The following ADCY7 variants were observed in gnomAD, a reference collection of about 807,000 sequenced individuals.
ADCY7 encodes the protein adenylate cyclase 7.
A neutral mutation model predicts 120.6 loss-of-function variants in ADCY7; 72 were observed. That is an observed-to-expected ratio of 0.60 (90% CI 0.49 to 0.73). The LOEUF (loss-of-function observed/expected upper bound fraction) is 0.73. ADCY7 is among the 30% of genes least tolerant of loss of function. The pLI is 0.00. For synonymous variants in ADCY7, 661 were observed against 628.0 expected, an observed-to-expected ratio of 1.05 and a Z score of -0.78; for missense variants, 1,227 against 1,486.0, an observed-to-expected ratio of 0.83 and a Z score of 2.87.
chr16:50,312,287 TG>T, intron 21 of ADCY7, 96 bp downstream of exon 21: 1 of 1,436,722 alleles, frequency 7.0e-7, no homozygotes. Flanking sequence ...ATGCTGAGCT[TG>T]GCTTCCTCAG....
intron 6 of ADCY7, among the ~76,000 whole-genome samples, chr16:50,294,050 A>C (rs1192950529): frequency 6.6e-6 from 1 of 152,170 alleles, no homozygotes; most frequent in Non-Finnish European, 1.5e-5. Flanking sequence ...CATTACATCC[A>C]AGGCTGGCCC....
chr16:50,312,315 G>A (rs1446485063), intron 21 of ADCY7, 124 bp downstream of exon 21: 12 of 1,101,602 alleles, frequency 1.1e-5, no homozygotes, highest in Non-Finnish European at 1.6e-5. Context: ...GCCTCACCGG[G>A]ATGCCCAGGC....
chr16:50,305,937 C>T (rs976252087), intron 14 of ADCY7, 88 bp downstream of exon 14: 32 of 1,350,236 alleles, frequency 2.4e-5, no homozygotes, highest in East Asian at 9.3e-5. Context: ...GGGCAGCCTG[C>T]GTTCCCAAGA....
chr16:50,313,981 C>CGGCGT lies in ADCY7; in HGVS notation c.2778_2782dup (p.Glu928AlafsTer46). On this transcript the variant is annotated frameshift_variant, in exon 23 of 26. Coordinates refer to ENST00000673801, the MANE Select transcript of ADCY7 (RefSeq NM_001114.5). LOFTEE classifies it high-confidence loss of function. The stretch of plus-strand genomic sequence containing the variant: ...AGCTCCTACTGAAGCCCAAGTTCAG[C>CGGCGT]GGCGTGGAGAAGATCAAGACCATCG... 6.2e-7 allele frequency: 1 copy of CGGCGT among 1,613,950 alleles called. No homozygotes were observed. The highest frequency in any genetic ancestry group is 8.5e-7 in the Non-Finnish European group (1 of 1,179,850).
intron 2 of ADCY7, 28 bp downstream of exon 2, chr16:50,288,378 C>A: frequency 6.6e-7 from 1 of 1,513,182 alleles, no homozygotes; most frequent in East Asian, 2.5e-5. Context: ...CTGGGCTTCA[C>A]GTCTCGGCCC....
intron 1 of ADCY7, among the ~76,000 whole-genome samples, chr16:50,248,882 T>C (rs2150772604): frequency 6.6e-6 from 1 of 152,294 alleles, no homozygotes; most frequent in African/African-American, 2.4e-5. Context: ...GGGACTCAGG[T>C]GGACGATACC....
chr16:50,312,853 G>C (rs572294771), intron 21 of ADCY7, 37 bp from the exon 22 acceptor site: 2 of 1,610,780 alleles, frequency 1.2e-6, no homozygotes, highest in Non-Finnish European at 1.7e-6. Flanking sequence ...CCCCTCAAGA[G>C]GTGAAGTGGT....
At position 50,317,917 on chromosome 16, in the gene ADCY7, C is replaced by G. The variant is rs2036886622; in HGVS notation, c.*2412C>G. Reference sequence around the variant, plus strand: ...CCTAACAAACAAACAAACAAACAAACAGAAGAGAAGATCATTAACCACTGT... The same window carrying G: ...CCTAACAAACAAACAAACAAACAAAGAGAAGAGAAGATCATTAACCACTGT... On this transcript the variant is annotated 3_prime_UTR_variant, in exon 26 of 26. Coordinates refer to ENST00000673801, the MANE Select transcript of ADCY7 (RefSeq NM_001114.5). 6.6e-6 allele frequency: 1 copy of G among 151,018 alleles called. No homozygotes were observed. Among genetic ancestry groups the G allele is most frequent in the Non-Finnish European group, 1.5e-5 (1 of 67,472 alleles). The allele number at this position is 151,018 out of a possible 1,614,324, so 9.4% of individuals were successfully genotyped here. A position where few individuals can be genotyped will look rare whatever the true frequency, so the allele number is the denominator to read the frequency against.
At chr16:50,292,231 G>A (rs2035033223) in intron 4 of ADCY7, among the ~76,000 whole-genome samples, 1 of 152,244 alleles carries the variant, frequency 6.6e-6, no homozygotes, top group African/African-American at 2.4e-5. Context: ...GCGGGGCTTG[G>A]GGGAGTACCC....
Position 50,293,425 on chromosome 16 carries a change from C to T in ADCY7, c.759C>T (p.Leu253=). The T allele has an allele frequency of 2.5e-6, 4 of 1,614,064 alleles. No homozygotes were observed. Among genetic ancestry groups the T allele is most frequent in the Non-Finnish European group, 2.5e-6 (3 of 1,180,036 alleles). Residue 253 remains leucine (L), a synonymous_variant, in exon 6 of 26, where the codon CTC becomes CTT. Transcript: ENST00000673801. ...MGMKLAIIER[L]KEHGDRRCMP... is the part of the protein sequence containing the mutation. ...TGAAGCTGGCCATCATCGAACGGCT[C>T]AAGGAGCATGGTGACCGTCGCTGCA... is the stretch of plus-strand genomic sequence containing the variant.
rs1181522450 is a variant in ADCY7, at chr16:50,298,873, C to A, written c.949-31C>A. The A allele has an allele frequency of 6.9e-6, 11 of 1,601,180 alleles. No homozygotes were observed. In the East Asian group the frequency reaches 2.5e-4, roughly 36 times the overall value. On this transcript the variant is annotated intron_variant, in intron 7 of 25. Coordinates refer to ENST00000673801, the MANE Select transcript of ADCY7 (RefSeq NM_001114.5). ...GTGAGAGGTCCCAGCCCCACATCTT[C>A]CAGTGACCAGGCCCTTCCCTCACCC...
chr16:50,317,956 A>G lies in ADCY7; in HGVS notation c.*2451A>G, dbSNP rs916168617. On this transcript the variant is annotated 3_prime_UTR_variant, in exon 26 of 26. Transcript: ENST00000673801. ...ATTAACCACTGTATACTTTGTGTAT[A>G]TAATAGGTCAGTGTAAAGAAATATG... The G allele has an allele frequency of 3.3e-5, 5 of 152,366 alleles. No homozygotes were observed. Among genetic ancestry groups the G allele is most frequent in the African/African-American group, 4.8e-5 (2 of 41,462 alleles). The allele number at this position is 152,366 out of a possible 1,614,324, so 9.4% of individuals were successfully genotyped here. A position where few individuals can be genotyped will look rare whatever the true frequency, so the allele number is the denominator to read the frequency against.
chr16:50,270,014 C>A (rs186867119), intron 1 of ADCY7, among the ~76,000 whole-genome samples: 2 of 152,244 alleles, frequency 1.3e-5, no homozygotes, highest in South Asian at 2.1e-4. Flanking sequence ...CATGGCACAA[C>A]CCCAACTCTA....
At chr16:50,293,052 G>A (rs563625077) in intron 5 of ADCY7, among the ~76,000 whole-genome samples, 28 of 152,262 alleles carry the variant, frequency 1.8e-4, no homozygotes, top group African/African-American at 6.5e-4. Context: ...CCCAGGTGGC[G>A]GCAGAGAAGG....
rs2036858620 is a variant in ADCY7, at chr16:50,317,506, T to A, written c.*2001T>A. The A allele has an allele frequency of 6.6e-6, 1 of 152,372 alleles. No individual in the cohort carries two copies. Among genetic ancestry groups the A allele is most frequent in the Non-Finnish European group, 1.5e-5 (1 of 68,038 alleles). The allele number at this position is 152,372 out of a possible 1,614,324, so 9.4% of individuals were successfully genotyped here. A position where few individuals can be genotyped will look rare whatever the true frequency, so the allele number is the denominator to read the frequency against. On this transcript the variant is annotated 3_prime_UTR_variant, in exon 26 of 26. Coordinates refer to ENST00000673801, the MANE Select transcript of ADCY7 (RefSeq NM_001114.5). ...TTTGTACTCTTGGAATATTTGTTTT[T>A]TTCTTCAGTAACAACAGAAACCCCA...
chr16:50,299,847 G>A (rs995499435), intron 8 of ADCY7, among the ~76,000 whole-genome samples: 1 of 152,208 alleles, frequency 6.6e-6, no homozygotes, highest in Non-Finnish European at 1.5e-5. Flanking sequence ...GACACGTGGT[G>A]CCGCTTGTCA....
chr16:50,314,243 T>C (rs767411178), intron 23 of ADCY7, 49 bp from the exon 24 acceptor site: 1 of 1,557,232 alleles, frequency 6.4e-7, no homozygotes, highest in Non-Finnish European at 8.9e-7. Flanking sequence ...GCCCACTAGG[T>C]CTGGGGGCTC....
intron 1 of ADCY7, among the ~76,000 whole-genome samples, chr16:50,284,961 G>T (rs546151832): frequency 1.3e-5 from 2 of 152,162 alleles, no homozygotes; most frequent in African/African-American, 2.4e-5. Context: ...GGGGTGGGGG[G>T]TGCTGAATTG....
chr16:50,262,487 C>T (rs563994815), upstream of ADCY7, among the ~76,000 whole-genome samples: 7 of 152,118 alleles, frequency 4.6e-5, no homozygotes, highest in Admixed American at 2.0e-4. Context: ...CCCTCAAGCC[C>T]GGCTAATTTT....
Sources: gnomAD v4.1 joint callset for allele counts (sites outside exome capture counted in the v4.1 genomes callset) on GRCh38, gnomAD v4.1.1 for gene constraint, MANE v1.5 for transcripts, NCBI Gene and HGNC (gene_info 2026-07-23, HGNC 2026-07-21) for gene names.